Variants in CEMIP observed in about 807,000 individuals in gnomAD.
The protein encoded by CEMIP is cell migration-inducing and hyaluronan-binding protein.
CEMIP carries 105 observed loss-of-function variants against 156.9 expected under a neutral mutation model. That is an observed-to-expected ratio of 0.67 (90% confidence interval 0.57 to 0.79). CEMIP has a LOEUF of 0.79. CEMIP is among the 30% of genes least tolerant of loss of function. The pLI, the probability that CEMIP is intolerant of heterozygous loss-of-function variation, is 0.00. For missense variants in CEMIP, 1,457 were observed against 1,769.4 expected (o/e 0.82, Z 3.17); for synonymous variants, 676 against 668.4 (o/e 1.01, Z -0.17).
At chr15:80,884,072 C>T (rs1898751946) in intron 6 of CEMIP, 103 bp from the exon 7 acceptor site, 1 of 1,126,698 alleles carries the variant, frequency 8.9e-7, no homozygotes, top group African/African-American at 1.5e-5. Flanking sequence ...GCCCTGGGAT[C>T]ATCGGATAGC....
intron 23 of CEMIP, 68 bp from the exon 24 acceptor site, chr15:80,936,606 A>G (rs1368085615): frequency 8.7e-6 from 12 of 1,374,024 alleles, no homozygotes; most frequent in Non-Finnish European, 1.2e-5. Flanking sequence ...GTCAGATGTT[A>G]GCCAGACGCT....
intron 1 of CEMIP, among the ~76,000 whole-genome samples, chr15:80,861,741 T>C (rs1897992862): frequency 6.6e-6 from 1 of 152,274 alleles, no homozygotes. Context: ...CAACTGCTGA[T>C]GCTAGTATTT....
intron 14 of CEMIP, among the ~76,000 whole-genome samples, chr15:80,914,915 T>A (rs991468387): frequency 6.6e-6 from 1 of 151,288 alleles, no homozygotes; most frequent in Admixed American, 6.6e-5. Flanking sequence ...AATTCGATGG[T>A]TAGGGGGTCG....
intron 5 of CEMIP, 152 bp from the exon 6 acceptor site, chr15:80,880,748 T>C: frequency 1.3e-6 from 1 of 770,024 alleles, no homozygotes. Flanking sequence ...AGTGTTATTT[T>C]TACTGACCTC....
rs754839572 is a variant in CEMIP, at chr15:80,906,884, C to T, written c.1587+46C>T. On this transcript the variant is annotated intron_variant, in intron 13 of 29. Coordinates refer to ENST00000394685, the MANE Select transcript of CEMIP (RefSeq NM_001293298.2). The surrounding 1 kb of genome is among the most constrained non-coding windows in gnomAD (Gnocchi z 4.3). ...GTCTTTCAACCCAACCAGGAGAGTT[C>T]CTATGATGTCAGCCTCTAGACGGGC... The T allele has an allele frequency of 7.0e-6, 11 of 1,566,914 alleles. No individual in the cohort carries two copies. The highest frequency in any genetic ancestry group is 9.5e-6 in the Non-Finnish European group (11 of 1,152,762).
In CEMIP at chr15:80,929,244, A is replaced by C. The variant is rs1047661101; in HGVS notation, c.2612+70A>C. On this transcript the variant is annotated intron_variant, in intron 21 of 29. Transcript: ENST00000394685. ...TAAGTGGCTGTGATGGAAGGGAAAA[A>C]GTTAATGGGTAGTTTCTACCTGTTG... is the stretch of plus-strand genomic sequence containing the variant. 34 of 1,566,182 alleles carry C rather than the reference A, an allele frequency of 2.2e-5. No individual in the cohort carries two copies. The African/African-American group carries it at 3.5e-4, about 16-fold the overall frequency.
chr15:80,828,439 G>T (rs1395178810), intron 1 of CEMIP, among the ~76,000 whole-genome samples: 2 of 152,010 alleles, frequency 1.3e-5, no homozygotes, highest in South Asian at 2.1e-4. Flanking sequence ...GAGGTGAAAA[G>T]TCTGGTCCAA....
At chr15:80,923,707 T>A (rs765756234) in intron 17 of CEMIP, among the ~76,000 whole-genome samples, 1 of 152,178 alleles carries the variant, frequency 6.6e-6, no homozygotes, top group Non-Finnish European at 1.5e-5. Flanking sequence ...CCAGTAAGCC[T>A]TGACTCCACA....
chr15:80,891,174 T>C (rs1284870783), intron 10 of CEMIP, among the ~76,000 whole-genome samples: 1 of 152,254 alleles, frequency 6.6e-6, no homozygotes, highest in Non-Finnish European at 1.5e-5. Flanking sequence ...AATGCTTACA[T>C]GGTCTACAAA....
At chr15:80,880,221 C>T (rs1898601213) in intron 5 of CEMIP, among the ~76,000 whole-genome samples, 1 of 152,122 alleles carries the variant, frequency 6.6e-6, no homozygotes, top group South Asian at 2.1e-4. Flanking sequence ...CCTCTTTAAA[C>T]AATTGAGAGT....
At chr15:80,797,890 A>G (rs1416771352) in intron 1 of CEMIP, among the ~76,000 whole-genome samples, 1 of 152,254 alleles carries the variant, frequency 6.6e-6, no homozygotes, top group Admixed American at 6.5e-5. Flanking sequence ...GCCACTGTGT[A>G]GAAAGGAAAT....
intron 15 of CEMIP, among the ~76,000 whole-genome samples, chr15:80,920,628 C>T (rs1567101516): frequency 6.6e-6 from 1 of 152,194 alleles, no homozygotes; most frequent in Non-Finnish European, 1.5e-5. Flanking sequence ...ACAGAGGCCC[C>T]GACCACACAG....
intron 12 of CEMIP, among the ~76,000 whole-genome samples, chr15:80,900,239 G>C (rs1899418022): frequency 6.6e-6 from 1 of 152,296 alleles, no homozygotes; most frequent in Non-Finnish European, 1.5e-5. Flanking sequence ...GGGTTGGGGT[G>C]TCCATGCAGG....
At chr15:80,794,861 A>C (rs1896176605) in intron 1 of CEMIP, among the ~76,000 whole-genome samples, 1 of 152,190 alleles carries the variant, frequency 6.6e-6, no homozygotes, top group African/African-American at 2.4e-5. Flanking sequence ...GAAAGGTTTG[A>C]GGAGAAAAAA....
chr15:80,926,828 G>T (rs1018985059), intron 19 of CEMIP, among the ~76,000 whole-genome samples: 12 of 121,012 alleles, frequency 9.9e-5, no homozygotes, highest in African/African-American at 4.2e-4. Flanking sequence ...GTGGGGGGGG[G>T]GGGTCTTCTT....
In CEMIP at chr15:80,904,171, C is replaced by G. The variant is rs192668597; in HGVS notation, c.1412-2492C>G. 9.8e-5 allele frequency among the ~76,000 whole-genome samples: 15 copies of G among 152,312 alleles called. No homozygotes were observed. In the East Asian group the frequency reaches 2.7e-3, roughly 27 times the overall value. On this transcript the variant is annotated intron_variant, in intron 12 of 29. Coordinates refer to ENST00000394685, the MANE Select transcript of CEMIP (RefSeq NM_001293298.2). Reference sequence around the variant, plus strand: ...CATCTGCATATCAGGGAGTAAGAGTCCATTGCAGTAAATGAAATCTTTCTA... The same window carrying G: ...CATCTGCATATCAGGGAGTAAGAGTGCATTGCAGTAAATGAAATCTTTCTA...
chr15:80,932,002 A>T lies in CEMIP; in HGVS notation c.2756A>T (p.His919Leu). Residue 919 changes from histidine to leucine, a missense_variant, in exon 22 of 30, where the codon CAT becomes CTT. By Grantham distance (99) the His-to-Leu change is moderately conservative. This residue lies in a region of CEMIP where 798 missense variants were observed against 980.1 expected (regional missense o/e 0.81). Coordinates refer to ENST00000394685, the MANE Select transcript of CEMIP (RefSeq NM_001293298.2). The surrounding 1 kb of genome is among the most constrained non-coding windows in gnomAD (Gnocchi z 4.5). The part of the protein sequence containing the change: ...RLNNAWQSCP[H>L]NNVTGIAFED... Reference sequence around the variant, plus strand: ...AATAATGCCTGGCAGAGCTGCCCCCATAACAACGTGACCGGCATTGCCTTT... The same window carrying T: ...AATAATGCCTGGCAGAGCTGCCCCCTTAACAACGTGACCGGCATTGCCTTT... The T allele has an allele frequency of 1.2e-6, 2 of 1,614,118 alleles. No individual in the cohort carries two copies. The highest frequency in any genetic ancestry group is 1.7e-6 in the Non-Finnish European group (2 of 1,180,038).
At chr15:80,800,287 G>GTGGT (rs1896343738) in intron 1 of CEMIP, among the ~76,000 whole-genome samples, 1 of 152,112 alleles carries the variant, frequency 6.6e-6, no homozygotes, top group South Asian at 2.1e-4. Context: ...ATGGTGGGGT[G>GTGGT]TGGTTCTATG....
intron 27 of CEMIP, 89 bp from the exon 28 acceptor site, chr15:80,942,856 C>T: frequency 6.7e-7 from 1 of 1,487,496 alleles, no homozygotes; most frequent in Non-Finnish European, 9.4e-7. Flanking sequence ...GCAACTTCTG[C>T]CTTCAGGGTC....
Sources: allele counts gnomAD v4.1 joint callset (sites outside exome capture counted in the v4.1 genomes callset), GRCh38; gene constraint gnomAD v4.1.1; regional missense constraint gnomAD v4.1.1; non-coding constraint Gnocchi (gnomAD v3.1); transcripts MANE v1.5; gene names NCBI Gene and HGNC (gene_info 2026-07-23, HGNC 2026-07-21).